METAP1: variants seen among roughly 807,000 people sequenced by gnomAD.
The protein encoded by METAP1 is methionine aminopeptidase 1.
A neutral mutation model predicts 53.8 loss-of-function variants in METAP1; 28 were observed. The observed-to-expected ratio is 0.52, with a 90% CI of 0.39 to 0.71. The LOEUF is 0.71. Ranked by LOEUF, METAP1 falls within the 30% of genes least tolerant of loss-of-function variation. METAP1 has a pLI of 0.00. For synonymous variants in METAP1, 181 were observed against 165.7 expected, an observed-to-expected ratio of 1.09 and a Z score of -0.71; for missense variants, 389 against 479.8, an observed-to-expected ratio of 0.81 and a Z score of 1.77.
chr4:99,043,536 G>T, intron 7 of METAP1, 149 bp downstream of exon 7: 1 of 806,854 alleles, frequency 1.2e-6, no homozygotes. Context: ...TAAATCTACA[G>T]GAAGCTCTCT....
intron 1 of METAP1, among the ~76,000 whole-genome samples, chr4:99,012,396 G>A (rs1334940446): frequency 2.0e-5 from 3 of 150,538 alleles, no homozygotes; most frequent in Non-Finnish European, 4.4e-5. Flanking sequence ...TCAGCCTCTC[G>A]AGTAGCTGCA....
At chr4:99,026,445 T>G in intron 1 of METAP1, 1 of 985,384 alleles carries the variant, frequency 1.0e-6, no homozygotes, top group African/African-American at 1.7e-5. Flanking sequence ...AACGACCTAA[T>G]GGAATGGGTA....
At chr4:99,005,985 T>C (rs1723159758) in intron 1 of METAP1, 1 of 164,416 alleles carries the variant, frequency 6.1e-6, no homozygotes, top group African/African-American at 2.4e-5. Context: ...CATACTAGGA[T>C]GACTGCACTA....
At chr4:98,998,585 A>T (rs1003450889) in intron 1 of METAP1, among the ~76,000 whole-genome samples, 1 of 152,182 alleles carries the variant, frequency 6.6e-6, no homozygotes, top group African/African-American at 2.4e-5. Context: ...GATTTTCCTT[A>T]ACACTTCTGT....
chr4:99,031,647 A>G (rs1725041144), intron 2 of METAP1: 3 of 1,145,400 alleles, frequency 2.6e-6, no homozygotes, highest in Non-Finnish European at 3.5e-6. Flanking sequence ...AGTGCTTAGC[A>G]TGTGTACCAT....
At chr4:99,040,226 G>C (rs922643439) in intron 5 of METAP1, among the ~76,000 whole-genome samples, 1 of 144,786 alleles carries the variant, frequency 6.9e-6, no homozygotes, top group African/African-American at 2.5e-5. Flanking sequence ...TTAAGGCTCA[G>C]AGGGTTATGC....
chr4:99,046,140 A>G (rs928410986), intron 8 of METAP1, among the ~76,000 whole-genome samples: 1 of 151,406 alleles, frequency 6.6e-6, no homozygotes, highest in Non-Finnish European at 1.5e-5. Context: ...GGGGCTGGGC[A>G]TGGTGGCTCA....
At position 99,004,165 on chromosome 4, in the gene METAP1, G is replaced by T. The variant is rs1675422981; in HGVS notation, c.114+8298G>T. 2.0e-5 allele frequency among the ~76,000 whole-genome samples: 3 copies of T among 152,170 alleles called. No individual in the cohort carries two copies. In the South Asian group the frequency reaches 6.2e-4, roughly 32 times the overall value. On this transcript the variant is annotated intron_variant, in intron 1 of 10. Coordinates refer to ENST00000296411, the MANE Select transcript of METAP1 (RefSeq NM_015143.3). ...GGGATGCCAAGCTTCCATGAGTTCA[G>T]TGTTCAGCTAGCTATTTGGAAACTC... is the stretch of plus-strand genomic sequence containing the variant.
intron 1 of METAP1, among the ~76,000 whole-genome samples, chr4:99,021,839 T>G (rs1724131546): frequency 6.6e-6 from 1 of 152,152 alleles, no homozygotes; most frequent in Non-Finnish European, 1.5e-5. Flanking sequence ...GGTTCCCAAA[T>G]AAGGAATGGC....
At chr4:99,056,911 G>T (rs2110429105) in intron 9 of METAP1, among the ~76,000 whole-genome samples, 1 of 152,294 alleles carries the variant, frequency 6.6e-6, no homozygotes, top group South Asian at 2.1e-4. Flanking sequence ...CGCCCAGGCT[G>T]GAGTGCAGTG....
intron 9 of METAP1, among the ~76,000 whole-genome samples, chr4:99,050,705 C>T (rs930382819): frequency 6.6e-6 from 1 of 152,136 alleles, no homozygotes; most frequent in Non-Finnish European, 1.5e-5. Context: ...AGTTTGAACC[C>T]TGTTGTGAAC....
At chr4:99,036,094 G>A (rs1400969143) in intron 4 of METAP1, 1 of 154,274 alleles carries the variant, frequency 6.5e-6, no homozygotes, top group Non-Finnish European at 1.5e-5. Flanking sequence ...ACACAGGTCA[G>A]TGGAACAATC....
At chr4:99,018,221 C>T (rs577902051) in intron 1 of METAP1, among the ~76,000 whole-genome samples, 13 of 152,296 alleles carry the variant, frequency 8.5e-5, no homozygotes, top group South Asian at 2.1e-4. Flanking sequence ...TCCTTTTGGC[C>T]GTGCTAATTA....
chr4:99,034,127 CAA>C (rs983424047), intron 2 of METAP1, 101 bp from the exon 3 acceptor site: 15 of 714,954 alleles, frequency 2.1e-5, no homozygotes, highest in East Asian at 1.4e-4. Context: ...TGGTTTTAAA[CAA>C]GAGATATTCA....
intron 6 of METAP1, 44 bp downstream of exon 6, chr4:99,041,170 C>A: frequency 7.7e-7 from 1 of 1,296,550 alleles, no homozygotes. Flanking sequence ...TGTTACATTA[C>A]TAGATGCTTT....
rs1724494520 is a variant in METAP1, at chr4:99,025,470, G to A, written c.115-3397G>A. On this transcript the variant is annotated intron_variant, in intron 1 of 10. Transcript: ENST00000296411. ...GAAATAAATAAGAATTACCTACATA[G>A]CAAATTCCCAGAGATTCTGATTGAA... 5.1e-6 allele frequency: 5 copies of A among 982,596 alleles called. No homozygotes were observed. The South Asian group carries it at 1.9e-4, about 37-fold the overall frequency. The allele number at this position is 982,596 out of a possible 1,614,324, so 60.9% of individuals were successfully genotyped here.
chr4:99,043,904 C>G (rs999652418), intron 7 of METAP1, among the ~76,000 whole-genome samples: 3 of 152,062 alleles, frequency 2.0e-5, no homozygotes, highest in Admixed American at 6.6e-5. Flanking sequence ...TTAATGAAGG[C>G]TTTCCTAGAT....
intron 1 of METAP1, among the ~76,000 whole-genome samples, chr4:99,012,269 GTTTT>G (rs34482996): frequency 9.4e-6 from 1 of 106,718 alleles, no homozygotes. Flanking sequence ...GTTAATGTGA[GTTTT>G]TTTTTTTTTT....
chr4:99,035,775 T>C (rs1725382512), intron 4 of METAP1, among the ~76,000 whole-genome samples: 1 of 152,084 alleles, frequency 6.6e-6, no homozygotes, highest in Non-Finnish European at 1.5e-5. Context: ...AATTAAACAA[T>C]ATCTATTTAG....
Sources: allele counts gnomAD v4.1 joint callset (sites outside exome capture counted in the v4.1 genomes callset), GRCh38; gene constraint gnomAD v4.1.1; transcripts MANE v1.5; gene names NCBI Gene and HGNC (gene_info 2026-07-23, HGNC 2026-07-21).